The following GRB14 variants were observed in gnomAD, a reference collection of about 807,000 sequenced individuals.
GRB14 encodes growth factor receptor-bound protein 14.
In GRB14, 38 loss-of-function variants were observed where a neutral mutation model predicts 69.1. The ratio of observed to expected loss-of-function variants is 0.55; its 90% confidence interval spans 0.42 to 0.72. The LOEUF (loss-of-function observed/expected upper bound fraction) is 0.72, where lower values mean the gene tolerates loss of function less well. Ranked by LOEUF, GRB14 falls within the 30% of genes least tolerant of loss-of-function variation. GRB14 has a pLI of 0.00. For missense variants in GRB14, 666 were observed against 666.1 expected (o/e 1.00, Z 0.00); for synonymous variants, 247 against 241.3 (o/e 1.02, Z -0.22).
intron 2 of GRB14, among the ~76,000 whole-genome samples, chr2:164,574,799 C>T (rs1689213867): frequency 6.6e-6 from 1 of 151,758 alleles, no homozygotes; most frequent in African/African-American, 2.4e-5. Context: ...AAAAATACGG[C>T]CAGGTGTGGT....
In GRB14 at chr2:164,511,331, C is replaced by T. The variant is rs117585201; in HGVS notation, c.817-2479G>A. Reference sequence around the variant, plus strand: ...TCCCACAAGCCCAGGCAGCACAGCTCGTGGCTCCAAAAAGAGATCCCTTCC... The same window carrying T: ...TCCCACAAGCCCAGGCAGCACAGCTTGTGGCTCCAAAAAGAGATCCCTTCC... On this transcript the variant is annotated intron_variant, in intron 6 of 13. Coordinates refer to ENST00000263915, the MANE Select transcript of GRB14 (RefSeq NM_004490.3). Among the ~76,000 whole-genome samples, 220 of 152,190 alleles carry T rather than the reference C, an allele frequency of 1.4e-3. 7 individuals carry two copies. In the East Asian group the frequency reaches 0.033, roughly 23 times the overall value.
rs376348737 is a variant in GRB14 at position 164,497,001 on chromosome 2, A to AACTT, written c.1382+3_1382+6dup. On this transcript the variant is annotated splice_region_variant and intron_variant, in intron 12 of 13. Coordinates refer to ENST00000263915, the MANE Select transcript of GRB14 (RefSeq NM_004490.3). Reference sequence around the variant, plus strand: ...CAAGTACTCAAAATTAAAAATACCAAACTTACCCATCCACAAGTCCTTGCT... The same window carrying AACTT: ...CAAGTACTCAAAATTAAAAATACCAAACTTACTTACCCATCCACAAGTCCTTGCT... 4.3e-4 allele frequency: 699 copies of AACTT among 1,611,050 alleles called. 3 individuals are homozygous for AACTT. The African/African-American group carries it at 8.3e-3, about 19-fold the overall frequency.
intron 2 of GRB14, among the ~76,000 whole-genome samples, chr2:164,548,879 T>A (rs191716831): frequency 2.4e-4 from 37 of 152,300 alleles, no homozygotes; most frequent in African/African-American, 8.4e-4. Context: ...TTGCTTTTTT[T>A]ATTTTTTTTG....
chr2:164,592,129 T>TG (rs1689680328), intron 2 of GRB14, among the ~76,000 whole-genome samples: 1 of 151,932 alleles, frequency 6.6e-6, no homozygotes, highest in African/African-American at 2.4e-5. Flanking sequence ...ATGGGTTTTT[T>TG]TTTTGTTTTG....
intron 2 of GRB14, among the ~76,000 whole-genome samples, chr2:164,571,533 A>G (rs1409928119): frequency 6.6e-6 from 1 of 152,232 alleles, no homozygotes; most frequent in Non-Finnish European, 1.5e-5. Flanking sequence ...ATAGAACAAG[A>G]GTAAATGTGT....
chr2:164,497,127 T>G (rs772029638), intron 11 of GRB14, 32 bp from the exon 12 acceptor site: 104 of 1,604,454 alleles, frequency 6.5e-5, no homozygotes, highest in Non-Finnish European at 8.7e-5. Flanking sequence ...ATGCAAAGCT[T>G]TGTTTGAGAT....
Position 164,493,034 on chromosome 2 carries a change from G to A in GRB14, c.*2C>T. 6.2e-7 allele frequency: 1 copy of A among 1,611,508 alleles called. No homozygotes were observed. On this transcript the variant is annotated 3_prime_UTR_variant, in exon 14 of 14. Transcript: ENST00000263915. ...TAGTTTAATAAGTCACTTCTGGCTTGTCTAGAGAGCAATCCTAGCACAATA... is the reference window on the plus strand; with the variant it reads ...TAGTTTAATAAGTCACTTCTGGCTTATCTAGAGAGCAATCCTAGCACAATA...
intron 3 of GRB14, among the ~76,000 whole-genome samples, chr2:164,538,739 T>C (rs1189470287): frequency 6.6e-6 from 1 of 152,178 alleles, no homozygotes; most frequent in Non-Finnish European, 1.5e-5. Flanking sequence ...CATTCAAAGT[T>C]CCAAACATAG....
chr2:164,508,969 T>C (rs1217349117), intron 6 of GRB14, 117 bp from the exon 7 acceptor site: 1 of 499,452 alleles, frequency 2.0e-6, no homozygotes, highest in Non-Finnish European at 3.3e-6. Context: ...TTCAATATGA[T>C]GCCACAAAAA....
intron 2 of GRB14, among the ~76,000 whole-genome samples, chr2:164,552,148 T>C (rs537307801): frequency 1.3e-5 from 2 of 152,252 alleles, no homozygotes; most frequent in Non-Finnish European, 2.9e-5. Context: ...TCTGTCCCCA[T>C]GACCCAAACA....
At chr2:164,514,931 T>C (rs1230693828) in intron 6 of GRB14, among the ~76,000 whole-genome samples, 1 of 152,116 alleles carries the variant, frequency 6.6e-6, no homozygotes, top group East Asian at 1.9e-4. Flanking sequence ...GGCCTGTAAC[T>C]GCCGATTTTC....
rs1013773109 is a variant in GRB14, at chr2:164,497,436, T to C, written c.1159A>G (p.Arg387Gly). 9.9e-6 allele frequency: 16 copies of C among 1,613,738 alleles called. No individual in the cohort carries two copies. Among genetic ancestry groups the C allele is most frequent in the Non-Finnish European group, 1.1e-5 (13 of 1,179,808 alleles). ...GCTTCAGTGGGATTTTCTATAACTCTGCTTTTCTGGCCTGAGAAGTCCATT... is the reference window on the plus strand; with the variant it reads ...GCTTCAGTGGGATTTTCTATAACTCCGCTTTTCTGGCCTGAGAAGTCCATT... ...VAMDFSGQKS[R>G]VIENPTEALS... is the part of the protein sequence containing the mutation. Residue 387 changes from arginine (R) to glycine (G), a missense_variant, in exon 10 of 14, where the codon AGA becomes GGA. Transcript: ENST00000263915.
At chr2:164,508,638 T>C (rs1484554180) in intron 7 of GRB14, 88 bp from the exon 8 acceptor site, 8 of 1,438,088 alleles carry the variant, frequency 5.6e-6, no homozygotes, top group Non-Finnish European at 7.7e-6. Flanking sequence ...TTCTCCTATA[T>C]ATAAGAGAAA....
At chr2:164,523,787 A>C (rs756144943) in intron 5 of GRB14, among the ~76,000 whole-genome samples, 2 of 152,108 alleles carry the variant, frequency 1.3e-5, no homozygotes, top group Non-Finnish European at 2.9e-5. Flanking sequence ...ATGCAGGACT[A>C]TCTGATTCCA....
chr2:164,516,190 C>T (rs1211115339), intron 6 of GRB14, among the ~76,000 whole-genome samples: 1 of 152,028 alleles, frequency 6.6e-6, no homozygotes, highest in Non-Finnish European at 1.5e-5. Flanking sequence ...GAGATCTAGA[C>T]ATCCAAATAC....
At chr2:164,604,324 T>C (rs1459506053) in intron 2 of GRB14, among the ~76,000 whole-genome samples, 3 of 152,198 alleles carry the variant, frequency 2.0e-5, no homozygotes, top group Admixed American at 6.5e-5. Flanking sequence ...TTTTCTTCAA[T>C]GGGTAAACAA....
chr2:164,541,388 C>T (rs1044449323), intron 3 of GRB14, among the ~76,000 whole-genome samples: 1 of 151,900 alleles, frequency 6.6e-6, no homozygotes, highest in African/African-American at 2.4e-5. Context: ...AGGAGAATCA[C>T]TTGAACTTGG....
intron 2 of GRB14, chr2:164,568,434 C>A: frequency 1.6e-6 from 2 of 1,246,730 alleles, no homozygotes; most frequent in Non-Finnish European, 2.1e-6. Flanking sequence ...TAAAAGAAAT[C>A]TTTTATGGTT....
At chr2:164,576,619 G>A (rs1689257854) in intron 2 of GRB14, among the ~76,000 whole-genome samples, 1 of 151,624 alleles carries the variant, frequency 6.6e-6, no homozygotes, top group Admixed American at 6.6e-5. Context: ...AAATGTCTAT[G>A]TAATAATAAT....
Sources: gnomAD v4.1 joint callset for allele counts (sites outside exome capture counted in the v4.1 genomes callset) on GRCh38, gnomAD v4.1.1 for gene constraint, MANE v1.5 for transcripts, NCBI Gene and HGNC (gene_info 2026-07-23, HGNC 2026-07-21) for gene names.